The following IQCJ variants were observed in gnomAD, a reference collection of about 807,000 sequenced individuals.
IQCJ encodes IQ domain-containing protein J.
A neutral mutation model predicts 11.0 loss-of-function variants in IQCJ; 9 were observed. The ratio of observed to expected loss-of-function variants is 0.82; its 90% CI spans 0.49 to 1.43. IQCJ has a LOEUF of 1.43. IQCJ is among the 40% of genes most tolerant of loss of function. The pLI is 0.00. For missense variants in IQCJ, 146 were observed against 133.2 expected (o/e 1.10, Z -0.47); for synonymous variants, 55 against 51.3 (o/e 1.07, Z -0.31).
intron 1 of IQCJ, among the ~76,000 whole-genome samples, chr3:159,140,992 G>T (rs958492262): frequency 6.6e-6 from 1 of 152,174 alleles, no homozygotes; most frequent in Admixed American, 6.5e-5. Context: ...CTGCTATTCG[G>T]TATAAACAAT....
At chr3:159,122,496 C>T (rs1719435029) in intron 1 of IQCJ, among the ~76,000 whole-genome samples, 1 of 152,126 alleles carries the variant, frequency 6.6e-6, no homozygotes, top group Non-Finnish European at 1.5e-5. Context: ...TTTGTCTTGG[C>T]TGCTGGGAAA....
intron 1 of IQCJ, among the ~76,000 whole-genome samples, chr3:159,088,430 T>G (rs1716964758): frequency 1.3e-5 from 2 of 152,206 alleles, no homozygotes; most frequent in South Asian, 4.1e-4. Flanking sequence ...AGATGTCTAT[T>G]AGGTCCACTT....
At chr3:159,260,594 C>T (rs749725397) in intron 3 of IQCJ, among the ~76,000 whole-genome samples, 6 of 152,214 alleles carry the variant, frequency 3.9e-5, no homozygotes, top group East Asian at 1.9e-4. Flanking sequence ...TCTGATATAA[C>T]GGGTCTTGAA....
At chr3:159,182,963 G>T (rs945544006) in intron 1 of IQCJ, among the ~76,000 whole-genome samples, 4 of 152,084 alleles carry the variant, frequency 2.6e-5, no homozygotes, top group African/African-American at 9.7e-5. Context: ...TTGGGCATAA[G>T]ACAATATGAG....
chr3:159,138,001 T>C (rs1720394403), intron 1 of IQCJ, among the ~76,000 whole-genome samples: 1 of 149,180 alleles, frequency 6.7e-6, no homozygotes. Flanking sequence ...TGGAAATTTA[T>C]AGATGAATTT....
At position 159,174,052 on chromosome 3, in the gene IQCJ, TATCTC is replaced by T. The variant is rs551296144; in HGVS notation, c.10-71788_10-71784del. ...TGTAGCTTTTAACTCATTAAAATGTTATCTCATAACATTTATGTTCAATCAACTCC... is the reference window on the plus strand; with the variant it reads ...TGTAGCTTTTAACTCATTAAAATGTTATAACATTTATGTTCAATCAACTCC... On this transcript the variant is annotated intron_variant, in intron 1 of 3. Transcript: ENST00000397832. 1.8e-4 allele frequency among the ~76,000 whole-genome samples: 28 copies of T among 152,296 alleles called. No individual in the cohort carries two copies. In the East Asian group the frequency reaches 5.2e-3, roughly 28 times the overall value.
chr3:159,075,256 A>G (rs186079952), intron 1 of IQCJ, among the ~76,000 whole-genome samples: 13 of 152,288 alleles, frequency 8.5e-5, no homozygotes, highest in Non-Finnish European at 1.5e-4. Context: ...TCACATTTGC[A>G]TATTCTTCCA....
chr3:159,232,229 C>T (rs771196874), intron 1 of IQCJ, among the ~76,000 whole-genome samples: 43 of 151,956 alleles, frequency 2.8e-4, no homozygotes, highest in Non-Finnish European at 3.4e-4. Context: ...GTTAGGGTGT[C>T]GATTTTAGAT....
intron 1 of IQCJ, among the ~76,000 whole-genome samples, chr3:159,132,927 T>TCTTTCTTTA (rs1720074165): frequency 8.1e-6 from 1 of 122,954 alleles, no homozygotes; most frequent in Non-Finnish European, 1.9e-5. Flanking sequence ...TTGCTTGCTT[T>TCTTTCTTTA]CTTTCTTTGC....
At chr3:159,198,318 A>C (rs10936174) in intron 1 of IQCJ, among the ~76,000 whole-genome samples, 43,261 of 151,848 alleles carry the variant, frequency 0.28, 7,510 homozygotes, top group African/African-American at 0.48. Flanking sequence ...GGAGAAAATA[A>C]TGATACCTAA....
chr3:159,162,378 T>G (rs954818933), intron 1 of IQCJ, among the ~76,000 whole-genome samples: 5 of 152,218 alleles, frequency 3.3e-5, no homozygotes, highest in African/African-American at 9.6e-5. Context: ...TGTACATTGA[T>G]TTTGTATCCT....
chr3:159,154,627 G>C (rs999928556), intron 1 of IQCJ, among the ~76,000 whole-genome samples: 8 of 152,060 alleles, frequency 5.3e-5, no homozygotes, highest in African/African-American at 1.9e-4. Context: ...TAGAGGTTTG[G>C]TCTACTCACT....
chr3:159,231,030 T>A (rs1488528960), intron 1 of IQCJ, among the ~76,000 whole-genome samples: 1 of 152,220 alleles, frequency 6.6e-6, no homozygotes, highest in Non-Finnish European at 1.5e-5. Context: ...TCTGGGAAGA[T>A]GTATGCCTGA....
intron 3 of IQCJ, among the ~76,000 whole-genome samples, chr3:159,259,270 AG>A (rs1039917480): frequency 5.9e-4 from 90 of 151,916 alleles, no homozygotes; most frequent in Non-Finnish European, 8.1e-4. Flanking sequence ...CCTAGCAAAA[AG>A]AAAAATTGTT....
intron 1 of IQCJ, among the ~76,000 whole-genome samples, chr3:159,148,791 C>A (rs1023237468): frequency 6.6e-6 from 1 of 152,112 alleles, no homozygotes; most frequent in Non-Finnish European, 1.5e-5. Flanking sequence ...TTTTTTTTAA[C>A]AAGTGCTTTC....
Position 159,163,489 on chromosome 3 carries a change from AAGCATTC to A in IQCJ, c.10-82353_10-82347del, listed in dbSNP as rs1422741050. Among the ~76,000 whole-genome samples the A allele has an allele frequency of 8.1e-3, 1,227 of 152,264 alleles. 8 individuals carry two copies. Among genetic ancestry groups the A allele is most frequent in the African/African-American group, 0.028 (1,163 of 41,540 alleles). On this transcript the variant is annotated intron_variant, in intron 1 of 3. Transcript: ENST00000397832. Reference sequence around the variant, plus strand: ...ATCATACTGAATGGGCAAAAACTGGAAGCATTCCCTTTGAAAACTGGCACAAGACAGG... The same window carrying A: ...ATCATACTGAATGGGCAAAAACTGGACCTTTGAAAACTGGCACAAGACAGG...
chr3:159,258,814 A>C (rs1728044395), intron 3 of IQCJ, among the ~76,000 whole-genome samples: 1 of 152,216 alleles, frequency 6.6e-6, no homozygotes, highest in Non-Finnish European at 1.5e-5. Flanking sequence ...CACACTGCCC[A>C]GTCTGTGCCC....
chr3:159,251,642 A>G (rs1445095478), intron 2 of IQCJ, among the ~76,000 whole-genome samples: 2 of 151,960 alleles, frequency 1.3e-5, no homozygotes, highest in Non-Finnish European at 2.9e-5. Flanking sequence ...ACACACCCCT[A>G]CCTTACCACA....
At chr3:159,163,001 G>A (rs1721958453) in intron 1 of IQCJ, among the ~76,000 whole-genome samples, 1 of 152,150 alleles carries the variant, frequency 6.6e-6, no homozygotes, top group Non-Finnish European at 1.5e-5. Context: ...GGTACAAGGA[G>A]GAACTGGTAC....
Sources: gnomAD v4.1 joint callset for allele counts (sites outside exome capture counted in the v4.1 genomes callset) on GRCh38, gnomAD v4.1.1 for gene constraint, MANE v1.5 for transcripts, NCBI Gene and HGNC (gene_info 2026-07-23, HGNC 2026-07-21) for gene names.